RFX4: variants seen among roughly 807,000 people sequenced by gnomAD.
RFX4 encodes regulatory factor X4.
Under a neutral mutation model 95.0 loss-of-function variants are expected in RFX4, and 10 were observed. The ratio of observed to expected loss-of-function variants is 0.11; its 90% CI spans 0.06 to 0.18. The LOEUF (loss-of-function observed/expected upper bound fraction) is 0.18. Ranked by LOEUF, RFX4 falls within the 10% of genes least tolerant of loss-of-function variation. The probability of loss-of-function intolerance (pLI) is 1.00; values close to 1 mark genes in which losing one functional copy is unlikely to be tolerated. For missense variants in RFX4, 640 were observed against 922.0 expected, an observed-to-expected ratio of 0.69 and a Z score of 3.96; for synonymous variants, 321 against 340.7, an observed-to-expected ratio of 0.94 and a Z score of 0.64.
chr12:106,717,988 G>A (rs1322667278), intron 11 of RFX4, among the ~76,000 whole-genome samples: 12 of 152,228 alleles, frequency 7.9e-5, no homozygotes, highest in Admixed American at 2.0e-4. Context: ...CATCACCTCT[G>A]TGATATAGAT....
chr12:106,643,897 G>A (rs2040687236), intron 3 of RFX4, among the ~76,000 whole-genome samples: 1 of 152,164 alleles, frequency 6.6e-6, no homozygotes, highest in Non-Finnish European at 1.5e-5. Context: ...CCTATTCAGT[G>A]AGACATGTGT....
At chr12:106,696,711 C>T (rs1471670763) in intron 8 of RFX4, among the ~76,000 whole-genome samples, 1 of 152,204 alleles carries the variant, frequency 6.6e-6, no homozygotes, top group Non-Finnish European at 1.5e-5. Context: ...GTTCCCCAGA[C>T]AACCCAGTCC....
At chr12:106,644,671 A>G (rs551885625) in intron 3 of RFX4, among the ~76,000 whole-genome samples, 8 of 152,310 alleles carry the variant, frequency 5.3e-5, no homozygotes, top group African/African-American at 1.9e-4. Flanking sequence ...CAAGAAACAG[A>G]ATTGCTCCAT....
At chr12:106,596,605 C>T (rs3925667) in intron 1 of RFX4, among the ~76,000 whole-genome samples, 15,490 of 152,216 alleles carry the variant, frequency 0.1, 964 homozygotes, top group Middle Eastern at 0.14. Flanking sequence ...CAGTAAGATT[C>T]GGTCACATGC....
chr12:106,586,527 A>G lies in RFX4; in HGVS notation c.43+3164A>G, dbSNP rs2039460733. 6.6e-6 allele frequency among the ~76,000 whole-genome samples: 1 copy of G among 150,620 alleles called. No individual in the cohort carries two copies. Among genetic ancestry groups the G allele is most frequent in the South Asian group, 2.1e-4 (1 of 4,800 alleles). ...ACGCAACAGAAGGATCATTTCTTTTAAAACGGGATGGCGCGTTAGAGAGGG... is the reference window on the plus strand; with the variant it reads ...ACGCAACAGAAGGATCATTTCTTTTGAAACGGGATGGCGCGTTAGAGAGGG... On this transcript the variant is annotated intron_variant, in intron 1 of 17. Coordinates refer to ENST00000392842, the MANE Select transcript of RFX4 (RefSeq NM_213594.3). The surrounding 1 kb of genome is among the most constrained non-coding windows in gnomAD (Gnocchi z 5.6).
intron 17 of RFX4, among the ~76,000 whole-genome samples, chr12:106,755,969 CA>C (rs1326189783): frequency 6.6e-6 from 1 of 152,160 alleles, no homozygotes; most frequent in Non-Finnish European, 1.5e-5. Flanking sequence ...TTTATATGCT[CA>C]AAATAATTTT....
At chr12:106,689,849 G>C (rs2041743028) in intron 7 of RFX4, among the ~76,000 whole-genome samples, 1 of 152,116 alleles carries the variant, frequency 6.6e-6, no homozygotes, top group East Asian at 1.9e-4. Context: ...CCCATTAGTA[G>C]GGCCATCGTT....
rs573176664 is a variant in RFX4, at chr12:106,762,411, C to A, written c.*942C>A. On this transcript the variant is annotated 3_prime_UTR_variant, in exon 18 of 18. Transcript: ENST00000392842. Reference sequence around the variant, plus strand: ...TTCATAAAACTATAATAATATCCGACACTTTGATAGAAAAAAATTCAAAGC... The same window carrying A: ...TTCATAAAACTATAATAATATCCGAAACTTTGATAGAAAAAAATTCAAAGC... 20 of 152,582 alleles carry A rather than the reference C, an allele frequency of 1.3e-4. No homozygotes were observed. The East Asian group carries it at 2.3e-3, about 18-fold the overall frequency. The allele number at this position is 152,582 out of a possible 1,614,324, so 9.5% of individuals were successfully genotyped here.
intron 2 of RFX4, among the ~76,000 whole-genome samples, chr12:106,628,132 A>G (rs1264328153): frequency 2.0e-5 from 3 of 152,082 alleles, no homozygotes; most frequent in African/African-American, 4.8e-5. Flanking sequence ...CCATGCCCAC[A>G]GTGTCATCAA....
chr12:106,719,859 GTTTTACTTTATTC>G, intron 11 of RFX4, 88 bp from the exon 12 acceptor site: 2 of 913,090 alleles, frequency 2.2e-6, no homozygotes, highest in Non-Finnish European at 3.5e-6. Flanking sequence ...TTTATTTAAA[GTTTTACTTTATTC>G]AAAGTTTTGT....
At chr12:106,616,832 C>T (rs1427740208) in intron 2 of RFX4, among the ~76,000 whole-genome samples, 2 of 152,166 alleles carry the variant, frequency 1.3e-5, no homozygotes, top group Non-Finnish European at 2.9e-5. Flanking sequence ...GTGATCTCAG[C>T]TCACTTTAAC....
chr12:106,641,954 T>TCTATATCTATAC (rs1308968243), intron 3 of RFX4, among the ~76,000 whole-genome samples: 2 of 130,758 alleles, frequency 1.5e-5, no homozygotes, highest in African/African-American at 6.3e-5. Flanking sequence ...TCTATATCTA[T>TCTATATCTATAC]CTATATCTAT....
intron 4 of RFX4, among the ~76,000 whole-genome samples, chr12:106,662,739 G>A (rs1012803425): frequency 3.3e-5 from 5 of 151,988 alleles, no homozygotes; most frequent in Non-Finnish European, 5.9e-5. Flanking sequence ...TTTTTGTGAT[G>A]GGTATAAGGT....
chr12:106,599,830 T>C (rs1248377613), intron 1 of RFX4, among the ~76,000 whole-genome samples: 2 of 152,130 alleles, frequency 1.3e-5, no homozygotes, highest in African/African-American at 4.8e-5. Context: ...GGTTTATGCA[T>C]GTGATCCTGG....
At chr12:106,697,020 G>T (rs182125057) in intron 8 of RFX4, among the ~76,000 whole-genome samples, 4 of 152,262 alleles carry the variant, frequency 2.6e-5, no homozygotes, top group Non-Finnish European at 5.9e-5. Context: ...GAGGGATGGA[G>T]GGAGGAGAGT....
intron 10 of RFX4, among the ~76,000 whole-genome samples, chr12:106,714,695 T>C (rs563626692): frequency 6.6e-6 from 1 of 152,238 alleles, no homozygotes; most frequent in African/African-American, 2.4e-5. Context: ...TTAAGTTCAC[T>C]AATAAGGGTT....
chr12:106,722,304 C>T (rs1049599278), intron 13 of RFX4, among the ~76,000 whole-genome samples: 3 of 152,222 alleles, frequency 2.0e-5, no homozygotes, highest in Admixed American at 1.3e-4. Flanking sequence ...ATCCACACAG[C>T]GAGCATCCTC....
chr12:106,707,627 G>A (rs1021332845), intron 8 of RFX4, among the ~76,000 whole-genome samples: 1 of 152,102 alleles, frequency 6.6e-6, no homozygotes. Context: ...TTAGAATCAT[G>A]CATGGGGGCT....
intron 3 of RFX4, among the ~76,000 whole-genome samples, chr12:106,646,257 A>C (rs1419381696): frequency 1.3e-5 from 2 of 151,860 alleles, no homozygotes; most frequent in African/African-American, 4.8e-5. Context: ...GTATAGGTGG[A>C]AAGGGACCAC....
Sources: allele counts gnomAD v4.1 joint callset (sites outside exome capture counted in the v4.1 genomes callset), GRCh38; gene constraint gnomAD v4.1.1; non-coding constraint Gnocchi (gnomAD v3.1); transcripts MANE v1.5; gene names NCBI Gene and HGNC (gene_info 2026-07-23, HGNC 2026-07-21).